Variants in BMX observed in about 807,000 individuals in gnomAD.
BMX encodes cytoplasmic tyrosine-protein kinase BMX.
BMX carries 31 observed loss-of-function variants against 59.2 expected under a neutral mutation model. The ratio of observed to expected loss-of-function variants is 0.52; its 90% CI spans 0.39 to 0.71. The LOEUF is 0.71. Ranked by LOEUF, BMX falls within the 30% of genes least tolerant of loss-of-function variation. The pLI is 0.00. For missense variants in BMX, 474 were observed against 491.7 expected, an observed-to-expected ratio of 0.96 and a Z score of 0.34; for synonymous variants, 185 against 181.0, an observed-to-expected ratio of 1.02 and a Z score of -0.18.
At chrX:15,542,550 A>G (rs1474884085) in intron 15 of BMX, among the ~76,000 whole-genome samples, 1 of 109,168 alleles carries the variant, frequency 9.2e-6, no homozygotes, top group Admixed American at 9.7e-5. Context: ...CATTTGATAC[A>G]ATAACTGAAC....
chrX:15,549,827 T>G lies in BMX; in HGVS notation c.1796-13T>G, dbSNP rs1383863412. 7 of 1,191,983 alleles carry G rather than the reference T, an allele frequency of 5.9e-6. No individual in the cohort carries two copies. The highest frequency in any genetic ancestry group is 7.9e-6 in the Non-Finnish European group (7 of 884,732). On this transcript the variant is annotated splice_polypyrimidine_tract_variant and intron_variant, in intron 17 of 18. Coordinates refer to ENST00000348343, the MANE Select transcript of BMX (RefSeq NM_203281.3). ...TTCCTTTTTTATCTGGGCCACCTCT[T>G]GGTGTGGTGCAGGGATCCTGATGTG...
chrX:15,552,497 T>C (rs1169488974), intron 18 of BMX, among the ~76,000 whole-genome samples: 1 of 112,450 alleles, frequency 8.9e-6, no homozygotes, highest in East Asian at 2.8e-4. Flanking sequence ...GTAGAAACTT[T>C]CTAGTAGACC....
chrX:15,542,273 T>G, intron 15 of BMX, 75 bp downstream of exon 15: 1 of 995,772 alleles, frequency 1.0e-6, no homozygotes, highest in Non-Finnish European at 1.4e-6. Context: ...GGGTCACTGG[T>G]AGGGAAGGCA....
intron 7 of BMX, among the ~76,000 whole-genome samples, chrX:15,524,535 A>G (rs1458194244): frequency 4.4e-5 from 5 of 112,384 alleles, no homozygotes; most frequent in Non-Finnish European, 9.4e-5. Flanking sequence ...TTTAGAAACA[A>G]CAAGGCTAAA....
chrX:15,554,440 T>C (rs1386344715), intron 18 of BMX, among the ~76,000 whole-genome samples: 2 of 111,928 alleles, frequency 1.8e-5, no homozygotes, highest in Non-Finnish European at 3.8e-5. Context: ...CTTTTTTCTG[T>C]CAGGTTTTAA....
At chrX:15,542,932 A>C (rs1327492812) in intron 15 of BMX, 139 bp from the exon 16 acceptor site, 2 of 532,312 alleles carry the variant, frequency 3.8e-6, no homozygotes, top group Non-Finnish European at 6.1e-6. Flanking sequence ...TTGCAAAGGA[A>C]AAAAAAGACA....
intron 17 of BMX, among the ~76,000 whole-genome samples, chrX:15,549,617 C>T (rs1469108264): frequency 8.9e-6 from 1 of 111,773 alleles, no homozygotes; most frequent in African/African-American, 3.3e-5. Flanking sequence ...CACAGATGTA[C>T]AGGTATCAGG....
intron 6 of BMX, among the ~76,000 whole-genome samples, chrX:15,520,908 G>A (rs757534136): frequency 9.0e-6 from 1 of 110,826 alleles, no homozygotes; most frequent in Non-Finnish European, 1.9e-5. Flanking sequence ...ACACTGTCCT[G>A]CATAATTAAA....
At chrX:15,504,989 A>G (rs1923689059) in intron 1 of BMX, among the ~76,000 whole-genome samples, 1 of 112,075 alleles carries the variant, frequency 8.9e-6, no homozygotes, top group African/African-American at 3.2e-5. Context: ...TCCCAACTGA[A>G]TTTTCCCTAA....
chrX:15,546,883 A>G lies in BMX; in HGVS notation c.1757A>G (p.Tyr586Cys). 3.3e-6 allele frequency: 4 copies of G among 1,210,688 alleles called. No individual in the cohort carries two copies. Among genetic ancestry groups the G allele is most frequent in the Non-Finnish European group, 4.5e-6 (4 of 894,673 alleles). ...TGGTCAGCTCCAGAGGTGTTTCATT[A>G]CTTCAAATACAGCAGCAAGTCAGAC... ...VKWSAPEVFH[Y>C]FKYSSKSDVW... The change falls in exon 17 of 19, where the codon TAC becomes TGC. Residue 586 changes from tyrosine to cysteine, a missense_variant. Transcript: ENST00000348343.
intron 5 of BMX, among the ~76,000 whole-genome samples, chrX:15,516,674 TA>T (rs58918868): frequency 0.11 from 10,735 of 101,948 alleles, 1,192 homozygotes; most frequent in African/African-American, 0.33. Context: ...ACAACATTAT[TA>T]AAAAAAAAAA....
Position 15,516,329 on chromosome X carries a change from T to C in BMX, c.445+98T>C. On this transcript the variant is annotated intron_variant, in intron 5 of 18. Coordinates refer to ENST00000348343, the MANE Select transcript of BMX (RefSeq NM_203281.3). Reference sequence around the variant, plus strand: ...CAGAAGAGCTTGCCAGAAAACAAGATGTGCCAGATTGGTTGGCATCATGAA... The same window carrying C: ...CAGAAGAGCTTGCCAGAAAACAAGACGTGCCAGATTGGTTGGCATCATGAA... 13 of 1,064,782 alleles carry C rather than the reference T, an allele frequency of 1.2e-5. No homozygotes were observed. In the South Asian group the frequency reaches 2.6e-4, roughly 22 times the overall value. The allele number at this position is 1,064,782 out of a possible 1,213,427, so 87.7% of individuals were successfully genotyped here. A position where few individuals can be genotyped will look rare whatever the true frequency, so the allele number is the denominator to read the frequency against.
rs766178978 is a variant in BMX, at chrX:15,502,220, A to G, written c.-10+1280A>G. ...TCCATAGAGACAGAGCAGGGATTCGAACCCAGCTCGGTGCTTTCACTTGCA... is the reference window on the plus strand; with the variant it reads ...TCCATAGAGACAGAGCAGGGATTCGGACCCAGCTCGGTGCTTTCACTTGCA... On this transcript the variant is annotated intron_variant, in intron 1 of 18. Transcript: ENST00000348343. Among the ~76,000 whole-genome samples the G allele has an allele frequency of 9.0e-5, 10 of 111,687 alleles. No homozygotes were observed. In the Admixed American group the frequency reaches 9.5e-4, roughly 11 times the overall value.
chrX:15,511,524 T>C lies in BMX; in HGVS notation c.325+6T>C. The C allele has an allele frequency of 8.4e-7, 1 of 1,188,830 alleles. No individual in the cohort carries two copies. The highest frequency in any genetic ancestry group is 1.1e-6 in the Non-Finnish European group (1 of 881,710). On this transcript the variant is annotated splice_donor_region_variant and intron_variant, in intron 4 of 18. Transcript: ENST00000348343. ...GTTGAAAGCATTACAAAAAGGTAAT[T>C]CAAAAAAAGAAATGTTGAAAGAGAA...
intron 14 of BMX, among the ~76,000 whole-genome samples, chrX:15,538,785 G>C (rs922858609): frequency 1.8e-5 from 2 of 111,645 alleles, no homozygotes; most frequent in African/African-American, 6.5e-5. Flanking sequence ...AGGAAAGTCA[G>C]AACAATCACT....
chrX:15,539,933 A>C (rs187258761), intron 14 of BMX, among the ~76,000 whole-genome samples: 1 of 112,455 alleles, frequency 8.9e-6, no homozygotes, highest in Admixed American at 9.4e-5. Context: ...GAAACAACAG[A>C]TGCTGGAGAG....
At chrX:15,548,990 A>C (rs1926070142) in intron 17 of BMX, among the ~76,000 whole-genome samples, 1 of 111,577 alleles carries the variant, frequency 9.0e-6, no homozygotes, top group South Asian at 3.8e-4. Flanking sequence ...TTTAATCCTC[A>C]CAGCAAGTCC....
Position 15,509,401 on chromosome X carries a change from C to A in BMX, c.211C>A (p.Gln71Lys). The stretch of plus-strand genomic sequence containing the variant: ...TGTGGAGAAAGTAAATCTCGAGGAG[C>A]AGACGCCTGTAGAGAGACAGTACCC... ...RCVEKVNLEE[Q>K]TPVERQYPFQ... Residue 71 changes from glutamine to lysine, a missense_variant, in exon 3 of 19, where the codon CAG becomes AAG. By Grantham distance (53) the Gln-to-Lys change is moderately conservative (BLOSUM62 1). Transcript: ENST00000348343. 8.3e-7 allele frequency: 1 copy of A among 1,206,195 alleles called. No individual in the cohort carries two copies. Among genetic ancestry groups the A allele is most frequent in the Non-Finnish European group, 1.1e-6 (1 of 891,917 alleles).
chrX:15,528,522 G>A (rs186092856), intron 9 of BMX, among the ~76,000 whole-genome samples: 7 of 110,912 alleles, frequency 6.3e-5, no homozygotes, highest in Non-Finnish European at 7.6e-5. Context: ...GCCAGGTGTG[G>A]TTGCCCATTC....
Sources: gnomAD v4.1 joint callset for allele counts (sites outside exome capture counted in the v4.1 genomes callset) on GRCh38, gnomAD v4.1.1 for gene constraint, MANE v1.5 for transcripts, NCBI Gene and HGNC (gene_info 2026-07-23, HGNC 2026-07-21) for gene names.